WDFY1: variants seen among roughly 807,000 people sequenced by gnomAD.
WDFY1 encodes the protein WD repeat and FYVE domain containing 1, also known as WD repeat and FYVE domain-containing protein 1.
WDFY1 carries 32 observed loss-of-function variants against 56.4 expected under a neutral mutation model. The observed-to-expected ratio is 0.57, with a 90% CI of 0.43 to 0.76. The LOEUF (loss-of-function observed/expected upper bound fraction) is 0.76. Among genes scored for constraint, WDFY1 ranks in the 30% least tolerant of loss-of-function variants. WDFY1 has a pLI of 0.00. For synonymous variants in WDFY1, 192 were observed against 197.3 expected (o/e 0.97, Z 0.23); for missense variants, 480 against 545.7 (o/e 0.88, Z 1.20).
chr2:223,910,562 A>T (rs1276012945), intron 3 of WDFY1, among the ~76,000 whole-genome samples: 1 of 152,076 alleles, frequency 6.6e-6, no homozygotes, highest in African/African-American at 2.4e-5. Context: ...CTCAACAATT[A>T]AAAAATACTC....
chr2:223,917,417 G>GT (rs1693806366), intron 2 of WDFY1, among the ~76,000 whole-genome samples: 1 of 150,334 alleles, frequency 6.7e-6, no homozygotes, highest in Non-Finnish European at 1.5e-5. Flanking sequence ...TTTTTTTTCA[G>GT]TTTTGCTCAA....
At chr2:223,937,283 GCATA>G (rs938505614) in intron 1 of WDFY1, among the ~76,000 whole-genome samples, 43 of 152,200 alleles carry the variant, frequency 2.8e-4, no homozygotes, top group African/African-American at 1.0e-3. Flanking sequence ...ACACAAACAT[GCATA>G]CAAAGTAGAA....
intron 1 of WDFY1, among the ~76,000 whole-genome samples, chr2:223,921,267 C>T (rs533340273): frequency 2.0e-5 from 3 of 152,288 alleles, no homozygotes; most frequent in African/African-American, 7.2e-5. Flanking sequence ...GAGATTAATG[C>T]TATTCTGTAT....
At chr2:223,911,296 T>C (rs573605962) in intron 3 of WDFY1, among the ~76,000 whole-genome samples, 5 of 151,960 alleles carry the variant, frequency 3.3e-5, no homozygotes, top group African/African-American at 4.8e-5. Flanking sequence ...GGAGGGGTGA[T>C]GAAAATATTC....
chr2:223,885,658 C>T (rs1265802291), intron 8 of WDFY1, among the ~76,000 whole-genome samples: 3 of 152,132 alleles, frequency 2.0e-5, no homozygotes, highest in African/African-American at 7.2e-5. Flanking sequence ...ACTCTAAATC[C>T]AGTTGAGTAG....
chr2:223,881,808 A>T (rs1315488821), intron 10 of WDFY1, 134 bp downstream of exon 10: 3 of 1,272,490 alleles, frequency 2.4e-6, no homozygotes, highest in East Asian at 5.3e-5. Context: ...CAACAAATAA[A>T]ATGGCTTAGG....
chr2:223,881,654 G>C (rs1300885300), intron 10 of WDFY1, among the ~76,000 whole-genome samples: 2 of 152,070 alleles, frequency 1.3e-5, no homozygotes, highest in Admixed American at 1.3e-4. Flanking sequence ...GCCAGGTGGT[G>C]GGGGGCGCCT....
At chr2:223,918,988 G>A (rs374053626) in intron 1 of WDFY1, among the ~76,000 whole-genome samples, 2 of 152,186 alleles carry the variant, frequency 1.3e-5, no homozygotes, top group East Asian at 3.9e-4. Context: ...GACCAAAATA[G>A]CCAAAGTTTA....
At chr2:223,895,419 A>C in intron 7 of WDFY1, 85 bp downstream of exon 7, 1 of 1,594,718 alleles carries the variant, frequency 6.3e-7, no homozygotes, top group Non-Finnish European at 8.6e-7. Flanking sequence ...TGGGGTTTGC[A>C]GAAAGTGGTA....
chr2:223,941,459 C>T (rs1371738829), intron 1 of WDFY1, among the ~76,000 whole-genome samples: 1 of 152,116 alleles, frequency 6.6e-6, no homozygotes, highest in Non-Finnish European at 1.5e-5. Context: ...ATCCCTCCTT[C>T]CTTTCTAGAT....
chr2:223,924,740 T>C (rs894738333), intron 1 of WDFY1, among the ~76,000 whole-genome samples: 7 of 152,182 alleles, frequency 4.6e-5, no homozygotes, highest in East Asian at 1.9e-4. Context: ...AATTCCAAAA[T>C]TGATTCTTTT....
At chr2:223,934,799 G>A (rs1357492700) in intron 1 of WDFY1, among the ~76,000 whole-genome samples, 1 of 152,208 alleles carries the variant, frequency 6.6e-6, no homozygotes, top group Non-Finnish European at 1.5e-5. Context: ...GGGGTTACAG[G>A]CATGAGCCAT....
In WDFY1 at chr2:223,884,559, CAA is replaced by C; in HGVS notation, c.933+87_933+88del. The C allele has an allele frequency of 5.5e-6, 7 of 1,269,480 alleles. No individual in the cohort carries two copies. The East Asian group carries it at 9.3e-5, about 17-fold the overall frequency. The allele number at this position is 1,269,480 out of a possible 1,614,324, so 78.6% of individuals were successfully genotyped here. A position where few individuals can be genotyped will look rare whatever the true frequency, so the allele number is the denominator to read the frequency against. The stretch of plus-strand genomic sequence containing the variant: ...TAGGAATTAATAGCATTTGCAAAAA[CAA>C]AGTGTGTTTCAAAAAAACCCCAGAT... On this transcript the variant is annotated intron_variant, in intron 9 of 11. Transcript: ENST00000233055.
chr2:223,925,586 A>G (rs557481159), intron 1 of WDFY1, among the ~76,000 whole-genome samples: 1 of 152,298 alleles, frequency 6.6e-6, no homozygotes, highest in South Asian at 2.1e-4. Flanking sequence ...ACAACCAAGA[A>G]GTTTGTTGCA....
At chr2:223,905,868 T>A (rs934134835) in intron 4 of WDFY1, 79 bp downstream of exon 4, 189 of 1,043,044 alleles carry the variant, frequency 1.8e-4, no homozygotes, top group Non-Finnish European at 1.1e-4. Flanking sequence ...AAAATCTAAT[T>A]TTCATCATAA....
intron 4 of WDFY1, among the ~76,000 whole-genome samples, chr2:223,902,163 A>T (rs1388918735): frequency 6.6e-6 from 1 of 152,238 alleles, no homozygotes; most frequent in African/African-American, 2.4e-5. Context: ...GACTCTCCCC[A>T]AAAGTCTACG....
At chr2:223,944,893 G>T (rs1446015485) in intron 1 of WDFY1, among the ~76,000 whole-genome samples, 1 of 151,904 alleles carries the variant, frequency 6.6e-6, no homozygotes, top group Non-Finnish European at 1.5e-5. Flanking sequence ...GGCTGGAGGG[G>T]CGCGGTGGGA....
chr2:223,896,706 TC>T (rs1406318603), intron 6 of WDFY1, among the ~76,000 whole-genome samples: 1 of 152,190 alleles, frequency 6.6e-6, no homozygotes, highest in African/African-American at 2.4e-5. Flanking sequence ...GATGCCATAT[TC>T]AAAAGCAAAC....
chr2:223,935,299 G>A (rs6721089), intron 1 of WDFY1, among the ~76,000 whole-genome samples: 65,589 of 152,016 alleles, frequency 0.43, 14,727 homozygotes, highest in Non-Finnish European at 0.5. Context: ...TTTCTTTGAC[G>A]GTGATCTGCT....
Sources: allele counts gnomAD v4.1 joint callset (sites outside exome capture counted in the v4.1 genomes callset), GRCh38; gene constraint gnomAD v4.1.1; transcripts MANE v1.5; gene names NCBI Gene and HGNC (gene_info 2026-07-23, HGNC 2026-07-21).